The following RABGAP1L variants were observed in gnomAD, a reference collection of about 807,000 sequenced individuals.
RABGAP1L encodes the protein RAB GTPase activating protein 1 like, also known as rab GTPase-activating protein 1-like.
RABGAP1L carries 63 observed loss-of-function variants against 137.7 expected under a neutral mutation model. The observed-to-expected ratio is 0.46, with a 90% CI of 0.37 to 0.56. The LOEUF (loss-of-function observed/expected upper bound fraction) is 0.56. Ranked by LOEUF, RABGAP1L falls within the 20% of genes least tolerant of loss-of-function variation. RABGAP1L has a pLI of 0.00. For synonymous variants in RABGAP1L, 431 were observed against 433.7 expected, an observed-to-expected ratio of 0.99 and a Z score of 0.08; for missense variants, 1,095 against 1,244.0, an observed-to-expected ratio of 0.88 and a Z score of 1.80.
At chr1:174,296,920 A>C (rs1677177990) in intron 10 of RABGAP1L, among the ~76,000 whole-genome samples, 1 of 152,234 alleles carries the variant, frequency 6.6e-6, no homozygotes, top group African/African-American at 2.4e-5. Context: ...TTATAATACA[A>C]ATAAAAAACA....
At chr1:174,904,487 G>A (rs1022747418) in intron 19 of RABGAP1L, among the ~76,000 whole-genome samples, 1 of 152,122 alleles carries the variant, frequency 6.6e-6, no homozygotes, top group Non-Finnish European at 1.5e-5. Flanking sequence ...CCTAAAGGGA[G>A]GAATATTCCC....
chr1:174,694,786 C>T (rs1488982567), intron 15 of RABGAP1L, among the ~76,000 whole-genome samples: 1 of 151,588 alleles, frequency 6.6e-6, no homozygotes. Context: ...CTGACTTCCA[C>T]AATGGTTGAA....
At chr1:174,622,898 A>G (rs928626621) in intron 13 of RABGAP1L, among the ~76,000 whole-genome samples, 1 of 152,144 alleles carries the variant, frequency 6.6e-6, no homozygotes, top group African/African-American at 2.4e-5. Flanking sequence ...TTATTATTCA[A>G]TTTTTTTGAA....
chr1:174,618,367 C>T (rs55945681), intron 13 of RABGAP1L, among the ~76,000 whole-genome samples: 4 of 148,900 alleles, frequency 2.7e-5, no homozygotes, highest in Middle Eastern at 3.3e-3. Flanking sequence ...CTGACCCACG[C>T]GTAGCCTAAC....
chr1:174,624,092 T>C (rs759177841), intron 13 of RABGAP1L, among the ~76,000 whole-genome samples: 2 of 152,212 alleles, frequency 1.3e-5, no homozygotes, highest in Non-Finnish European at 2.9e-5. Flanking sequence ...TCTCTCAACT[T>C]GTTCTTTTAT....
At chr1:174,319,462 G>A (rs1322301418) in intron 11 of RABGAP1L, among the ~76,000 whole-genome samples, 1 of 152,038 alleles carries the variant, frequency 6.6e-6, no homozygotes, top group Non-Finnish European at 1.5e-5. Context: ...GGAAATTTCT[G>A]CATATGTCAT....
chr1:174,621,683 A>C (rs998791519), intron 13 of RABGAP1L, among the ~76,000 whole-genome samples: 5 of 152,112 alleles, frequency 3.3e-5, no homozygotes, highest in Non-Finnish European at 5.9e-5. Context: ...CCTTCCTTAC[A>C]CCTTATACAA....
intron 19 of RABGAP1L, among the ~76,000 whole-genome samples, chr1:174,927,175 G>A (rs775330104): frequency 3.3e-5 from 5 of 152,006 alleles, no homozygotes; most frequent in Non-Finnish European, 5.9e-5. Context: ...GATTTTGTGT[G>A]CTTTAGGTTC....
intron 13 of RABGAP1L, among the ~76,000 whole-genome samples, chr1:174,590,637 G>A (rs2148129244): frequency 2.6e-5 from 1 of 38,616 alleles, no homozygotes; most frequent in South Asian, 9.7e-4. Context: ...TACTGAGAAT[G>A]ATGGTTTCCA....
intron 1 of RABGAP1L, among the ~76,000 whole-genome samples, chr1:174,177,962 G>T (rs1295320168): frequency 6.6e-6 from 1 of 152,122 alleles, no homozygotes; most frequent in Non-Finnish European, 1.5e-5. Context: ...TTGGCTATAT[G>T]GATTGTTTTT....
intron 19 of RABGAP1L, chr1:174,874,464 A>G (rs991235253): frequency 2.0e-6 from 2 of 981,936 alleles, no homozygotes; most frequent in Non-Finnish European, 1.2e-6. Flanking sequence ...GGTTACCGGG[A>G]GTGTGGCTGG....
At chr1:174,368,497 A>T (rs1684836973) in intron 11 of RABGAP1L, among the ~76,000 whole-genome samples, 1 of 152,194 alleles carries the variant, frequency 6.6e-6, no homozygotes, top group Non-Finnish European at 1.5e-5. Context: ...CTGTCAATGT[A>T]ATTGGTAGAT....
intron 11 of RABGAP1L, among the ~76,000 whole-genome samples, chr1:174,339,626 A>G (rs1038131058): frequency 6.9e-6 from 1 of 144,958 alleles, no homozygotes; most frequent in Non-Finnish European, 1.5e-5. Flanking sequence ...TTTTTTTTTG[A>G]GACGGAGTCT....
At chr1:174,503,544 C>T (rs1661522093) in intron 13 of RABGAP1L, among the ~76,000 whole-genome samples, 1 of 150,750 alleles carries the variant, frequency 6.6e-6, no homozygotes. Context: ...TCCTGTAGTC[C>T]CAGCTACTGG....
chr1:174,471,833 C>T (rs935527013), intron 13 of RABGAP1L, among the ~76,000 whole-genome samples: 2 of 152,022 alleles, frequency 1.3e-5, no homozygotes, highest in South Asian at 4.1e-4. Context: ...TATATTGAAC[C>T]CATAATCCCC....
chr1:174,705,997 CTT>C (rs1043719683), intron 17 of RABGAP1L, among the ~76,000 whole-genome samples: 2 of 152,144 alleles, frequency 1.3e-5, no homozygotes, highest in African/African-American at 4.8e-5. Flanking sequence ...AAAGTATTGA[CTT>C]TTCAAAGTTT....
Position 174,436,431 on chromosome 1 carries a change from T to C in RABGAP1L, c.1710+42286T>C, listed in dbSNP as rs557935309. Among the ~76,000 whole-genome samples, 121 of 152,344 alleles carry C rather than the reference T, an allele frequency of 7.9e-4. No individual in the cohort carries two copies. The Middle Eastern group carries it at 0.024, about 30-fold the overall frequency. ...TCATGATGAGCATTTTTTCATGTGTTTTTTGGCTGCATAAATGTCTTCTTT... is the reference window on the plus strand; with the variant it reads ...TCATGATGAGCATTTTTTCATGTGTCTTTTGGCTGCATAAATGTCTTCTTT... On this transcript the variant is annotated intron_variant, in intron 13 of 25. Coordinates refer to ENST00000681986, the MANE Select transcript of RABGAP1L (RefSeq NM_001366446.1).
At chr1:174,535,936 T>A (rs952920690) in intron 13 of RABGAP1L, among the ~76,000 whole-genome samples, 39 of 152,280 alleles carry the variant, frequency 2.6e-4, no homozygotes, top group African/African-American at 9.1e-4. Flanking sequence ...TTCAGTTTTA[T>A]TCTGTTACAG....
chr1:174,215,008 G>T (rs1472677799), intron 1 of RABGAP1L, among the ~76,000 whole-genome samples: 1 of 152,046 alleles, frequency 6.6e-6, no homozygotes, highest in Non-Finnish European at 1.5e-5. Flanking sequence ...AAGTTAAAAA[G>T]GTATCTGCAC....
Sources: gnomAD v4.1 joint callset for allele counts (sites outside exome capture counted in the v4.1 genomes callset) on GRCh38, gnomAD v4.1.1 for gene constraint, MANE v1.5 for transcripts, NCBI Gene and HGNC (gene_info 2026-07-23, HGNC 2026-07-21) for gene names.